Variants in PTPRN2 observed in about 807,000 individuals in gnomAD.
PTPRN2 encodes the protein protein tyrosine phosphatase receptor type N2.
PTPRN2 carries 74 observed loss-of-function variants against 118.8 expected under a neutral mutation model. The ratio of observed to expected loss-of-function variants is 0.62; its 90% CI spans 0.52 to 0.76. The LOEUF (loss-of-function observed/expected upper bound fraction) is 0.76, where lower values mean the gene tolerates loss of function less well. PTPRN2 is among the 30% of genes least tolerant of loss of function. The probability of loss-of-function intolerance (pLI) is 0.00; values close to 1 mark genes in which losing one functional copy is unlikely to be tolerated. For missense variants in PTPRN2, 1,481 were observed against 1,394.4 expected, an observed-to-expected ratio of 1.06 and a Z score of -0.99; for synonymous variants, 641 against 608.0, an observed-to-expected ratio of 1.05 and a Z score of -0.80.
At chr7:158,286,031 C>G (rs1308103714) in intron 3 of PTPRN2, among the ~76,000 whole-genome samples, 1 of 152,206 alleles carries the variant, frequency 6.6e-6, no homozygotes, top group Non-Finnish European at 1.5e-5. Flanking sequence ...TTATCAACAG[C>G]CATCGGGAAA....
intron 11 of PTPRN2, among the ~76,000 whole-genome samples, chr7:157,999,155 C>T (rs553259617): frequency 2.0e-5 from 3 of 152,262 alleles, no homozygotes; most frequent in East Asian, 3.9e-4. Flanking sequence ...CAGCCCCTCA[C>T]ACCCCTGCAC....
intron 2 of PTPRN2, among the ~76,000 whole-genome samples, chr7:158,317,992 G>A (rs1227841800): frequency 2.0e-5 from 3 of 152,316 alleles, no homozygotes; most frequent in South Asian, 2.1e-4. Flanking sequence ...TGGCAGCTGC[G>A]CGGGCGGGCG....
intron 11 of PTPRN2, among the ~76,000 whole-genome samples, chr7:158,056,036 C>T (rs1376716437): frequency 6.6e-6 from 1 of 152,198 alleles, no homozygotes; most frequent in Admixed American, 6.5e-5. Flanking sequence ...AGGCCCCTTC[C>T]TCTCTGTCTG....
Position 158,519,771 on chromosome 7 carries a change from G to A in PTPRN2, c.113-29986C>T, listed in dbSNP as rs1303563543. ...TCCCAAGCAGCCAAGGGAAAGAAGT[G>A]ACTCACCTCAGAAAGAAGAAAAAGG... On this transcript the variant is annotated intron_variant, in intron 1 of 22. Transcript: ENST00000389418. Among the ~76,000 whole-genome samples, 4 of 152,074 alleles carry A rather than the reference G, an allele frequency of 2.6e-5. No homozygotes were observed. In the East Asian group the frequency reaches 7.7e-4, roughly 29 times the overall value.
intron 3 of PTPRN2, among the ~76,000 whole-genome samples, chr7:158,232,822 A>T (rs1829252771): frequency 6.6e-6 from 1 of 152,230 alleles, no homozygotes; most frequent in East Asian, 1.9e-4. Context: ...AATTAAGAAC[A>T]AAACTACATG....
At chr7:158,236,427 C>T (rs575168729) in intron 3 of PTPRN2, among the ~76,000 whole-genome samples, 3 of 152,242 alleles carry the variant, frequency 2.0e-5, no homozygotes, top group East Asian at 3.9e-4. Flanking sequence ...ACCAGACAAA[C>T]GTTGAGGGGT....
intron 11 of PTPRN2, among the ~76,000 whole-genome samples, chr7:158,010,223 T>C (rs1306280430): frequency 6.6e-6 from 1 of 152,100 alleles, no homozygotes; most frequent in Non-Finnish European, 1.5e-5. Flanking sequence ...CACGAGATCC[T>C]GGGGGGCCAG....
At position 157,779,551 on chromosome 7, in the gene PTPRN2, G is replaced by A. The variant is rs939427204; in HGVS notation, c.1789-96614C>T. On this transcript the variant is annotated intron_variant, in intron 12 of 22. Transcript: ENST00000389418. This position sits in a 1 kb window ranked among gnomAD's most constrained non-coding sequence, Gnocchi z 4.7. The stretch of plus-strand genomic sequence containing the variant: ...TCCACGTTGTCCCCAGCAGGGCGAC[G>A]GAGGGTGGGGGCGGCAGGCTGTCTC... Among the ~76,000 whole-genome samples, 3 of 152,184 alleles carry A rather than the reference G, an allele frequency of 2.0e-5. No individual in the cohort carries two copies. Among genetic ancestry groups the A allele is most frequent in the Non-Finnish European group, 2.9e-5 (2 of 68,038 alleles).
chr7:158,422,355 C>T (rs973716763), intron 2 of PTPRN2, among the ~76,000 whole-genome samples: 6 of 152,162 alleles, frequency 3.9e-5, no homozygotes, highest in African/African-American at 1.4e-4. Context: ...TTGAGAAGTA[C>T]CAACAAACCC....
chr7:158,191,229 A>G lies in PTPRN2; in HGVS notation c.549+1098T>C, dbSNP rs148324479. ...GGAACATAATAGAAACTGGGCCCAC[A>G]TTGCTTCCCACACATATCCCAGGGC... On this transcript the variant is annotated intron_variant, in intron 5 of 22. Transcript: ENST00000389418. Among the ~76,000 whole-genome samples, 342 of 152,144 alleles carry G rather than the reference A, an allele frequency of 2.2e-3. 4 individuals carry two copies. The highest frequency in any genetic ancestry group is 7.8e-4 in the East Asian group (4 of 5,160).
intron 2 of PTPRN2, among the ~76,000 whole-genome samples, chr7:158,340,392 A>G (rs1806457207): frequency 2.2e-5 from 1 of 45,972 alleles, no homozygotes; most frequent in Non-Finnish European, 4.3e-5. Flanking sequence ...CTCTCACCAT[A>G]AGAGCTGACA....
At chr7:158,442,063 G>A (rs1452496443) in intron 2 of PTPRN2, among the ~76,000 whole-genome samples, 1 of 148,570 alleles carries the variant, frequency 6.7e-6, no homozygotes, top group Admixed American at 6.7e-5. Flanking sequence ...TGATGGTGAT[G>A]GCAGTGGTGG....
intron 17 of PTPRN2, among the ~76,000 whole-genome samples, chr7:157,586,827 C>G (rs920844527): frequency 1.3e-5 from 2 of 152,248 alleles, no homozygotes; most frequent in African/African-American, 4.8e-5. Context: ...AACATTAAAA[C>G]AGTTGTGAGT....
intron 11 of PTPRN2, among the ~76,000 whole-genome samples, chr7:157,959,768 G>A (rs1009985928): frequency 3.9e-5 from 6 of 152,216 alleles, no homozygotes; most frequent in Non-Finnish European, 8.8e-5. Context: ...CTGGGAAATA[G>A]CTTGAGAATT....
chr7:157,875,150 C>T (rs945915909), intron 12 of PTPRN2, among the ~76,000 whole-genome samples: 1 of 152,188 alleles, frequency 6.6e-6, no homozygotes, highest in Non-Finnish European at 1.5e-5. Context: ...CAGGAGGAGC[C>T]CAGGCTGTGT....
intron 2 of PTPRN2, among the ~76,000 whole-genome samples, chr7:158,340,424 C>G (rs1563174102): frequency 3.9e-5 from 3 of 76,808 alleles, no homozygotes; most frequent in South Asian, 6.1e-4. Flanking sequence ...CACTCACACA[C>G]ACACTCTCAC....
At chr7:158,043,959 C>G (rs7780157) in intron 11 of PTPRN2, among the ~76,000 whole-genome samples, 88,473 of 152,138 alleles carry the variant, frequency 0.58, 27,225 homozygotes, top group African/African-American at 0.75. Context: ...CCACGTCACT[C>G]GACGTGGCAG....
At chr7:157,947,022 G>A (rs1265784724) in intron 11 of PTPRN2, among the ~76,000 whole-genome samples, 2 of 152,226 alleles carry the variant, frequency 1.3e-5, no homozygotes, top group East Asian at 3.9e-4. Context: ...CTGGGTGTGG[G>A]CTAGTGTGCT....
intron 12 of PTPRN2, among the ~76,000 whole-genome samples, chr7:157,830,551 C>T (rs549377754): frequency 8.6e-5 from 13 of 151,840 alleles, no homozygotes; most frequent in Admixed American, 2.6e-4. Context: ...GCACACACAT[C>T]GCCACGCGGG....
Sources: allele counts gnomAD v4.1 joint callset (sites outside exome capture counted in the v4.1 genomes callset), GRCh38; gene constraint gnomAD v4.1.1; non-coding constraint Gnocchi (gnomAD v3.1); transcripts MANE v1.5; gene names NCBI Gene and HGNC (gene_info 2026-07-23, HGNC 2026-07-21).